VIT: variants seen among roughly 807,000 people sequenced by gnomAD.
The protein encoded by VIT is vitrin.
A neutral mutation model predicts 78.0 loss-of-function variants in VIT; 99 were observed. That is an observed-to-expected ratio of 1.27 (90% CI 1.08 to 1.50). VIT has a LOEUF of 1.50. Ranked by LOEUF, VIT falls within the 40% of genes most tolerant of loss-of-function variation. The pLI, the probability that VIT is intolerant of heterozygous loss-of-function variation, is 0.00. For missense variants in VIT, 1,126 were observed against 875.3 expected, an observed-to-expected ratio of 1.29 and a Z score of -3.61; for synonymous variants, 374 against 334.3, an observed-to-expected ratio of 1.12 and a Z score of -1.29.
chr2:36,799,834 G>A (rs990066731), intron 12 of VIT, among the ~76,000 whole-genome samples: 2 of 151,984 alleles, frequency 1.3e-5, no homozygotes, highest in South Asian at 4.2e-4. Flanking sequence ...GATCACCTGA[G>A]GTGAGGAGTT....
chr2:36,809,060 G>T, intron 15 of VIT, 75 bp downstream of exon 15: 2 of 1,504,502 alleles, frequency 1.3e-6, no homozygotes, highest in Non-Finnish European at 8.9e-7. Flanking sequence ...GACAAGGAAG[G>T]TATTGTCTTT....
Position 36,814,282 on chromosome 2 carries a change from A to T in VIT, c.2003A>T (p.Glu668Val), listed in dbSNP as rs1336468567. Reference sequence around the variant, plus strand: ...AGAGACCACTCCTTCTTTGTGGACGAGTTTGACAACCTCCATCAGTATGTC... The same window carrying T: ...AGAGACCACTCCTTCTTTGTGGACGTGTTTGACAACCTCCATCAGTATGTC... Reference protein sequence around the residue: ...PARDHSFFVDEFDNLHQYVPR... With the variant: ...PARDHSFFVDVFDNLHQYVPR... The change falls in exon 16 of 16, where the codon GAG (glutamate) becomes GTG (valine). Residue 668 changes from glutamate to valine, a missense_variant. By Grantham distance (121) the Glu-to-Val change is moderately radical. Coordinates refer to ENST00000379242, the MANE Select transcript of VIT (RefSeq NM_053276.4). 1.2e-6 allele frequency: 2 copies of T among 1,614,226 alleles called. No homozygotes were observed. The highest frequency in any genetic ancestry group is 4.5e-5 in the East Asian group (2 of 44,890).
At chr2:36,756,397 T>C (rs899612854) in intron 5 of VIT, among the ~76,000 whole-genome samples, 1 of 152,202 alleles carries the variant, frequency 6.6e-6, no homozygotes, top group Non-Finnish European at 1.5e-5. Flanking sequence ...GCCTTGGGAC[T>C]GTCCTGAGAA....
intron 9 of VIT, among the ~76,000 whole-genome samples, chr2:36,776,085 C>T (rs182272415): frequency 5.5e-4 from 84 of 152,360 alleles, no homozygotes; most frequent in African/African-American, 1.9e-3. Flanking sequence ...GTGTGCCAGA[C>T]AGAGGCCTTT....
intron 1 of VIT, among the ~76,000 whole-genome samples, chr2:36,705,131 C>T (rs929034376): frequency 2.6e-5 from 4 of 152,150 alleles, no homozygotes; most frequent in African/African-American, 9.7e-5. Flanking sequence ...ACTCATCTTC[C>T]AAAGCTTCAT....
At chr2:36,793,048 AC>A (rs1665618549) in intron 12 of VIT, among the ~76,000 whole-genome samples, 1 of 152,128 alleles carries the variant, frequency 6.6e-6, no homozygotes, top group Non-Finnish European at 1.5e-5. Context: ...CTACATTTTA[AC>A]AAGATCCCCA....
chr2:36,792,723 T>C (rs1307376058), intron 12 of VIT, among the ~76,000 whole-genome samples: 18 of 152,140 alleles, frequency 1.2e-4, no homozygotes, highest in Admixed American at 1.2e-3. Context: ...CGGAATATTC[T>C]CATGGGCCTG....
At chr2:36,724,344 C>A (rs992762090) in intron 2 of VIT, among the ~76,000 whole-genome samples, 3 of 152,188 alleles carry the variant, frequency 2.0e-5, no homozygotes, top group Non-Finnish European at 4.4e-5. Context: ...ACCTGCATGG[C>A]CTCCATTGCC....
At chr2:36,720,325 G>C (rs925639486) in intron 2 of VIT, among the ~76,000 whole-genome samples, 2 of 152,080 alleles carry the variant, frequency 1.3e-5, no homozygotes, top group African/African-American at 4.8e-5. Flanking sequence ...AAAGAGCCCA[G>C]AAAGAAACCC....
rs185019887 is a variant in VIT at position 36,813,622 on chromosome 2, C to T, written c.1904-561C>T. On this transcript the variant is annotated intron_variant, in intron 15 of 15. Transcript: ENST00000379242. ...CTGGCACCTTTGGCAAGGGTTCCTGCACTGGAAATGAGGTTGGATTCAATG... is the reference window on the plus strand; with the variant it reads ...CTGGCACCTTTGGCAAGGGTTCCTGTACTGGAAATGAGGTTGGATTCAATG... 8.5e-4 allele frequency among the ~76,000 whole-genome samples: 129 copies of T among 152,290 alleles called. 1 individual carries two copies. The highest frequency in any genetic ancestry group is 3.7e-3 in the Admixed American group (56 of 15,298).
intron 15 of VIT, among the ~76,000 whole-genome samples, chr2:36,810,544 A>C (rs1407564506): frequency 6.6e-6 from 1 of 152,222 alleles, no homozygotes; most frequent in Admixed American, 6.5e-5. Flanking sequence ...TAAACCAAGT[A>C]GTCAATGAAC....
At chr2:36,771,956 A>G (rs1277106060) in intron 7 of VIT, among the ~76,000 whole-genome samples, 3 of 152,226 alleles carry the variant, frequency 2.0e-5, no homozygotes, top group Admixed American at 1.3e-4. Flanking sequence ...ACATGAGAGC[A>G]TGTACATCCC....
At chr2:36,799,300 G>A (rs1666140672) in intron 12 of VIT, among the ~76,000 whole-genome samples, 1 of 152,134 alleles carries the variant, frequency 6.6e-6, no homozygotes, top group Non-Finnish European at 1.5e-5. Context: ...ACTTGTCCCG[G>A]TCCGCATGGA....
At chr2:36,791,796 C>A (rs1047988211) in intron 12 of VIT, among the ~76,000 whole-genome samples, 2 of 152,214 alleles carry the variant, frequency 1.3e-5, no homozygotes, top group African/African-American at 4.8e-5. Context: ...AGACCCACGT[C>A]GGACTTGGGA....
At position 36,765,429 on chromosome 2, in the gene VIT, GAGAGAA is replaced by G. The variant is rs1429304230; in HGVS notation, c.488-1659_488-1654del. 3.1e-3 allele frequency among the ~76,000 whole-genome samples: 307 copies of G among 100,252 alleles called. 2 individuals carry two copies. The highest frequency in any genetic ancestry group is 8.4e-3 in the East Asian group (38 of 4,546). The allele number at this position is 100,252 out of a possible 152,430, so 65.8% of individuals were successfully genotyped here. A position where few individuals can be genotyped will look rare whatever the true frequency, so the allele number is the denominator to read the frequency against. ...TGGCAGCAGGCGAGAGAGAGAGAGA[GAGAGAA>G]AGAGAGAGAGAGGAAAAACTGCCTT... On this transcript the variant is annotated intron_variant, in intron 6 of 15. Coordinates refer to ENST00000379242, the MANE Select transcript of VIT (RefSeq NM_053276.4).
chr2:36,743,029 A>G, intron 3 of VIT, 71 bp from the exon 4 acceptor site: 1 of 1,585,682 alleles, frequency 6.3e-7, no homozygotes. Context: ...AATAGTTGAG[A>G]CCTAACAGTG....
At chr2:36,742,997 T>C in intron 3 of VIT, 103 bp from the exon 4 acceptor site, 1 of 1,472,552 alleles carries the variant, frequency 6.8e-7, no homozygotes, top group Non-Finnish European at 9.2e-7. Context: ...CGGCCCAGGC[T>C]CTGGCTTTTA....
At chr2:36,757,304 G>A (rs545317399) in intron 5 of VIT, among the ~76,000 whole-genome samples, 13 of 152,306 alleles carry the variant, frequency 8.5e-5, no homozygotes, top group African/African-American at 2.9e-4. Context: ...AGCTAAGAGG[G>A]GGAGCAAAAG....
intron 4 of VIT, among the ~76,000 whole-genome samples, chr2:36,745,547 C>A (rs1668085832): frequency 6.6e-6 from 1 of 151,938 alleles, no homozygotes; most frequent in African/African-American, 2.4e-5. Context: ...TAGATGTATT[C>A]CAAAGCATTT....
Sources: gnomAD v4.1 joint callset for allele counts (sites outside exome capture counted in the v4.1 genomes callset) on GRCh38, gnomAD v4.1.1 for gene constraint, MANE v1.5 for transcripts, NCBI Gene and HGNC (gene_info 2026-07-23, HGNC 2026-07-21) for gene names.